Variants in SLC4A4 observed in about 807,000 individuals in gnomAD.
SLC4A4 encodes the protein electrogenic sodium bicarbonate cotransporter 1.
Under a neutral mutation model 111.5 loss-of-function variants are expected in SLC4A4, and 27 were observed. The ratio of observed to expected loss-of-function variants is 0.24; its 90% CI spans 0.18 to 0.33. SLC4A4 has a LOEUF of 0.33. Ranked by LOEUF, SLC4A4 falls within the 10% of genes least tolerant of loss-of-function variation. The pLI is 1.00. For missense variants in SLC4A4, 909 were observed against 1,315.5 expected, an observed-to-expected ratio of 0.69 and a Z score of 4.78; for synonymous variants, 443 against 463.4, an observed-to-expected ratio of 0.96 and a Z score of 0.57.
rs1408001410 is a variant in SLC4A4 at position 71,407,161 on chromosome 4, A to C, written c.807+9508A>C. Among the ~76,000 whole-genome samples, 3 of 152,140 alleles carry C rather than the reference A, an allele frequency of 2.0e-5. 1 individual carries two copies. Among genetic ancestry groups the C allele is most frequent in the Non-Finnish European group, 4.4e-5 (3 of 68,012 alleles). ...TGTGGAACAGACACGTATTCAATCGAAGTTTCTGGCTTTTGGTTTGTCTTT... is the reference window on the plus strand; with the variant it reads ...TGTGGAACAGACACGTATTCAATCGCAGTTTCTGGCTTTTGGTTTGTCTTT... On this transcript the variant is annotated intron_variant, in intron 7 of 25. Coordinates refer to ENST00000264485, the MANE Select transcript of SLC4A4 (RefSeq NM_001098484.3).
chr4:71,485,607 A>G (rs889025543), intron 14 of SLC4A4, among the ~76,000 whole-genome samples: 26 of 151,560 alleles, frequency 1.7e-4, no homozygotes, highest in African/African-American at 5.6e-4. Flanking sequence ...TTTACTGCTG[A>G]AATAGAGAAA....
intron 16 of SLC4A4, among the ~76,000 whole-genome samples, chr4:71,526,046 T>C (rs1411689717): frequency 6.6e-6 from 1 of 151,990 alleles, no homozygotes; most frequent in Non-Finnish European, 1.5e-5. Flanking sequence ...GCTAGACATT[T>C]TTAGGGCACT....
chr4:71,138,960 C>T (rs1328630785), intron 2 of SLC4A4, among the ~76,000 whole-genome samples: 3 of 138,340 alleles, frequency 2.2e-5, no homozygotes, highest in East Asian at 2.2e-4. Flanking sequence ...GGTGTGAACC[C>T]GGGAGGCGGA....
At chr4:71,083,803 A>G (rs1183589100) in intron 1 of SLC4A4, among the ~76,000 whole-genome samples, 1 of 119,826 alleles carries the variant, frequency 8.3e-6, no homozygotes, top group African/African-American at 3.2e-5. Context: ...CACCAGTCTC[A>G]AAGTCCTAAT....
At chr4:71,086,120 G>A (rs201379317) in intron 1 of SLC4A4, among the ~76,000 whole-genome samples, 33,421 of 150,178 alleles carry the variant, frequency 0.22, 3,835 homozygotes, top group South Asian at 0.24. Flanking sequence ...GGTCCTTCAC[G>A]TCCCTTGTAA....
intron 7 of SLC4A4, among the ~76,000 whole-genome samples, chr4:71,431,245 G>A (rs1180104945): frequency 6.6e-6 from 1 of 152,022 alleles, no homozygotes; most frequent in Non-Finnish European, 1.5e-5. Context: ...ATAAGTACAA[G>A]GCAGATAAAA....
At chr4:71,267,791 C>CAAAAAAAAAAA (rs71212002) in intron 3 of SLC4A4, among the ~76,000 whole-genome samples, 18 of 62,360 alleles carry the variant, frequency 2.9e-4, no homozygotes, top group African/African-American at 1.1e-3. Flanking sequence ...GAGAGTCTGC[C>CAAAAAAAAAAA]AAAAAAAAAA....
At chr4:71,100,607 CAA>C (rs953967742) in intron 2 of SLC4A4, among the ~76,000 whole-genome samples, 4 of 151,992 alleles carry the variant, frequency 2.6e-5, no homozygotes, top group African/African-American at 9.7e-5. Flanking sequence ...AGCAGTCAGA[CAA>C]GAGAAAGAAA....
chr4:71,481,043 C>T (rs12648212), intron 14 of SLC4A4, among the ~76,000 whole-genome samples: 1 of 151,724 alleles, frequency 6.6e-6, no homozygotes, highest in African/African-American at 2.4e-5. Context: ...TTTGCCTACA[C>T]TGTGTTATTT....
intron 7 of SLC4A4, among the ~76,000 whole-genome samples, chr4:71,433,431 T>C (rs1723824826): frequency 6.6e-6 from 1 of 151,946 alleles, no homozygotes; most frequent in Non-Finnish European, 1.5e-5. Flanking sequence ...CATTAACCTG[T>C]CTCTACTAGA....
At chr4:71,435,296 C>T (rs941441466) in intron 7 of SLC4A4, among the ~76,000 whole-genome samples, 1 of 152,152 alleles carries the variant, frequency 6.6e-6, no homozygotes, top group African/African-American at 2.4e-5. Flanking sequence ...CAGACAAAAA[C>T]AAGCAATGGG....
intron 3 of SLC4A4, among the ~76,000 whole-genome samples, chr4:71,331,021 C>T (rs1419885060): frequency 1.3e-5 from 2 of 152,082 alleles, no homozygotes; most frequent in East Asian, 1.9e-4. Context: ...CAAATCAAAA[C>T]CACAATGAGA....
At chr4:71,299,948 G>T (rs1218768277) in intron 3 of SLC4A4, among the ~76,000 whole-genome samples, 1 of 152,152 alleles carries the variant, frequency 6.6e-6, no homozygotes, top group Non-Finnish European at 1.5e-5. Flanking sequence ...GCAGGATGAG[G>T]CAGGGATAGG....
At chr4:71,175,689 AC>A (rs1277669656) in intron 2 of SLC4A4, among the ~76,000 whole-genome samples, 4 of 152,188 alleles carry the variant, frequency 2.6e-5, no homozygotes, top group Non-Finnish European at 4.4e-5. Flanking sequence ...GGAAGCTCCA[AC>A]TGGGTGGAGC....
In SLC4A4 at chr4:71,192,312, A is replaced by G. The variant is rs149792816; in HGVS notation, c.-2+4911A>G. Among the ~76,000 whole-genome samples, 658 of 152,278 alleles carry G rather than the reference A, an allele frequency of 4.3e-3. 8 individuals carry two copies. The highest frequency in any genetic ancestry group is 0.015 in the African/African-American group (617 of 41,564). ...TTCCCCAGCAAAAAAGTCTCTGAGC[A>G]GGCAAAATAGAGGGTAAAAAAGTAA... On this transcript the variant is annotated intron_variant, in intron 1 of 25. Coordinates refer to ENST00000264485, the MANE Select transcript of SLC4A4 (RefSeq NM_001098484.3).
At chr4:71,190,700 G>A (rs567220713) in intron 1 of SLC4A4, among the ~76,000 whole-genome samples, 26 of 152,130 alleles carry the variant, frequency 1.7e-4, no homozygotes, top group Non-Finnish European at 3.1e-4. Context: ...ATTAAATTGT[G>A]CCTGTGAATA....
intron 6 of SLC4A4, among the ~76,000 whole-genome samples, chr4:71,380,567 G>A (rs1718034309): frequency 6.6e-6 from 1 of 152,130 alleles, no homozygotes; most frequent in African/African-American, 2.4e-5. Context: ...CATGCATCTG[G>A]GTCCTGGCCT....
intron 9 of SLC4A4, among the ~76,000 whole-genome samples, chr4:71,449,996 T>A (rs561572006): frequency 3.3e-5 from 5 of 152,302 alleles, no homozygotes; most frequent in Middle Eastern, 3.4e-3. Flanking sequence ...CCTTCTTGAG[T>A]TATCAGCAAT....
intron 12 of SLC4A4, among the ~76,000 whole-genome samples, chr4:71,464,407 C>T (rs1727126860): frequency 6.6e-6 from 1 of 152,130 alleles, no homozygotes; most frequent in South Asian, 2.1e-4. Context: ...CTTGGTTCTG[C>T]TGCCCTTCCT....
Sources: allele counts gnomAD v4.1 joint callset (sites outside exome capture counted in the v4.1 genomes callset), GRCh38; gene constraint gnomAD v4.1.1; transcripts MANE v1.5; gene names NCBI Gene and HGNC (gene_info 2026-07-23, HGNC 2026-07-21).